Variants in SEMA3E observed in about 807,000 individuals in gnomAD.
SEMA3E encodes semaphorin-3E.
SEMA3E carries 49 observed loss-of-function variants against 93.6 expected under a neutral mutation model. The ratio of observed to expected loss-of-function variants is 0.52; its 90% CI spans 0.42 to 0.66. SEMA3E has a LOEUF of 0.66. Ranked by LOEUF, SEMA3E falls within the 30% of genes least tolerant of loss-of-function variation. SEMA3E has a pLI of 0.00. For synonymous variants in SEMA3E, 363 were observed against 330.7 expected, an observed-to-expected ratio of 1.10 and a Z score of -1.06; for missense variants, 906 against 964.8, an observed-to-expected ratio of 0.94 and a Z score of 0.81.
intron 5 of SEMA3E, among the ~76,000 whole-genome samples, chr7:83,410,420 TAAC>T (rs1279215400): frequency 6.6e-6 from 1 of 152,006 alleles, no homozygotes; most frequent in African/African-American, 2.4e-5. Flanking sequence ...GTAAGGAAAA[TAAC>T]AAAAACTAAA....
At chr7:83,522,427 C>T (rs1342443672) in intron 1 of SEMA3E, among the ~76,000 whole-genome samples, 2 of 152,004 alleles carry the variant, frequency 1.3e-5, no homozygotes, top group East Asian at 1.9e-4. Flanking sequence ...CCAGGTCCCT[C>T]GACTCTATCA....
chr7:83,516,973 G>C (rs923979959), intron 1 of SEMA3E, among the ~76,000 whole-genome samples: 6 of 144,940 alleles, frequency 4.1e-5, no homozygotes, highest in African/African-American at 1.5e-4. Context: ...ATAAAATATA[G>C]AAAGGGAATT....
intron 7 of SEMA3E, among the ~76,000 whole-genome samples, chr7:83,406,509 A>T (rs1468634568): frequency 7.2e-5 from 11 of 151,904 alleles, no homozygotes; most frequent in Non-Finnish European, 1.6e-4. Context: ...TATGTATATA[A>T]ATATATACAT....
chr7:83,385,517 G>T, intron 15 of SEMA3E, 84 bp from the exon 16 acceptor site: 1 of 1,303,074 alleles, frequency 7.7e-7, no homozygotes, highest in Non-Finnish European at 1.1e-6. Flanking sequence ...GATCCCTGCA[G>T]TAACATGATT....
At position 83,367,005 on chromosome 7, in the gene SEMA3E, G is replaced by C. The variant is rs535993040; in HGVS notation, c.*581C>G. Reference sequence around the variant, plus strand: ...GAATGTACTTTAATGAATATTTTACGAAGGGCACAAGCCTCAGAATGACAT... The same window carrying C: ...GAATGTACTTTAATGAATATTTTACCAAGGGCACAAGCCTCAGAATGACAT... On this transcript the variant is annotated 3_prime_UTR_variant, in exon 17 of 17. Transcript: ENST00000643230. 6.6e-6 allele frequency: 1 copy of C among 151,806 alleles called. No individual in the cohort carries two copies. The highest frequency in any genetic ancestry group is 2.1e-4 in the South Asian group (1 of 4,860). 9.4% of individuals were successfully genotyped at this position (151,806 alleles called of 1,614,324 possible). A position where few individuals can be genotyped will look rare whatever the true frequency, so the allele number is the denominator to read the frequency against.
At chr7:83,623,067 G>C (rs1793599161) in intron 1 of SEMA3E, among the ~76,000 whole-genome samples, 1 of 152,002 alleles carries the variant, frequency 6.6e-6, no homozygotes, top group Non-Finnish European at 1.5e-5. Context: ...GAAGATGGTG[G>C]AATAACATGG....
At chr7:83,600,333 T>TC (rs1792960854) in intron 1 of SEMA3E, among the ~76,000 whole-genome samples, 1 of 151,300 alleles carries the variant, frequency 6.6e-6, no homozygotes, top group African/African-American at 2.4e-5. Context: ...TTTTTTTTTT[T>TC]CCTTGAGGCG....
chr7:83,612,551 A>C (rs1793286817), intron 1 of SEMA3E: 1 of 152,146 alleles, frequency 6.6e-6, no homozygotes, highest in African/African-American at 2.4e-5. Flanking sequence ...TTTTCAATTG[A>C]TTAGAAAAAT....
At chr7:83,570,335 C>T (rs1470252795) in intron 1 of SEMA3E, among the ~76,000 whole-genome samples, 2 of 151,314 alleles carry the variant, frequency 1.3e-5, no homozygotes, top group Non-Finnish European at 2.9e-5. Flanking sequence ...GGGCGGATCA[C>T]GAGGTCAGGA....
chr7:83,465,799 C>G (rs979375614), intron 4 of SEMA3E, among the ~76,000 whole-genome samples: 15 of 152,126 alleles, frequency 9.9e-5, no homozygotes, highest in Non-Finnish European at 1.9e-4. Context: ...TCAAAATATA[C>G]TTAAAAGTAA....
chr7:83,492,033 A>G (rs1443635340), intron 1 of SEMA3E, among the ~76,000 whole-genome samples: 5 of 152,112 alleles, frequency 3.3e-5, no homozygotes, highest in Non-Finnish European at 5.9e-5. Flanking sequence ...TGCCAAGTGG[A>G]TTTTTAGAAA....
In SEMA3E at chr7:83,392,660, A is replaced by G. The variant is rs1370269989; in HGVS notation, c.1562T>C (p.Met521Thr). The G allele has an allele frequency of 5.0e-6, 8 of 1,613,656 alleles. No individual in the cohort carries two copies. The African/African-American group carries it at 6.7e-5, about 13-fold the overall frequency. ...VAQVRFHHCDMYGSACADCCL... is the reference protein window; with the variant it reads ...VAQVRFHHCDTYGSACADCCL... ...GCAGTCAGCACAAGCACTTCCATAC[A>G]TGTCACAGTGATGGAATCTGACTTG... is the stretch of plus-strand genomic sequence containing the variant. Residue 521 changes from methionine (M) to threonine (T), a missense_variant, in exon 14 of 17, where the codon ATG becomes ACG. Physicochemically the swap from Met to Thr is moderately conservative, Grantham distance 81. Coordinates refer to ENST00000643230, the MANE Select transcript of SEMA3E (RefSeq NM_012431.3).
At chr7:83,515,161 C>G (rs773472976) in intron 1 of SEMA3E, among the ~76,000 whole-genome samples, 1 of 151,940 alleles carries the variant, frequency 6.6e-6, no homozygotes, top group Non-Finnish European at 1.5e-5. Context: ...CTACCCTTGC[C>G]CAGCGCCCCT....
At chr7:83,384,468 A>G (rs1232850969) in intron 16 of SEMA3E, among the ~76,000 whole-genome samples, 1 of 140,830 alleles carries the variant, frequency 7.1e-6, no homozygotes, top group Non-Finnish European at 1.5e-5. Context: ...TTTAATATTC[A>G]ATATTATTTC....
At chr7:83,476,877 G>T (rs1040733425) in intron 2 of SEMA3E, among the ~76,000 whole-genome samples, 1 of 152,090 alleles carries the variant, frequency 6.6e-6, no homozygotes, top group Admixed American at 6.6e-5. Flanking sequence ...AAAGCAAAAG[G>T]TTAAATACAC....
At chr7:83,446,922 C>T (rs971916844) in intron 4 of SEMA3E, among the ~76,000 whole-genome samples, 3 of 152,086 alleles carry the variant, frequency 2.0e-5, no homozygotes, top group African/African-American at 7.2e-5. Flanking sequence ...CACGGTAGCT[C>T]TATTTATTAA....
intron 1 of SEMA3E, among the ~76,000 whole-genome samples, chr7:83,602,890 A>G (rs1308260686): frequency 6.6e-6 from 1 of 152,172 alleles, no homozygotes; most frequent in Non-Finnish European, 1.5e-5. Context: ...ATACTTTAAC[A>G]TGTATTGTTA....
chr7:83,389,958 A>G (rs1351990344), intron 14 of SEMA3E, among the ~76,000 whole-genome samples: 2 of 38,288 alleles, frequency 5.2e-5, no homozygotes. Flanking sequence ...ATATGTGTAT[A>G]GTGTATACGT....
chr7:83,638,698 A>T (rs1793929892), intron 1 of SEMA3E, among the ~76,000 whole-genome samples: 2 of 152,142 alleles, frequency 1.3e-5, no homozygotes, highest in Non-Finnish European at 2.9e-5. Flanking sequence ...AAGCTAAAGG[A>T]GGAATAAATG....
Sources: gnomAD v4.1 joint callset for allele counts (sites outside exome capture counted in the v4.1 genomes callset) on GRCh38, gnomAD v4.1.1 for gene constraint, MANE v1.5 for transcripts, NCBI Gene and HGNC (gene_info 2026-07-23, HGNC 2026-07-21) for gene names.